STK3: variants seen among roughly 807,000 people sequenced by gnomAD.
The protein encoded by STK3 is serine/threonine kinase 3.
In STK3, 41 loss-of-function variants were observed where a neutral mutation model predicts 58.0. That is an observed-to-expected ratio of 0.71 (90% CI 0.55 to 0.92). The LOEUF is 0.92. Ranked by LOEUF, STK3 falls within the 40% of genes least tolerant of loss-of-function variation. The probability of loss-of-function intolerance (pLI) is 0.00; values close to 1 mark genes in which losing one functional copy is unlikely to be tolerated. For missense variants in STK3, 479 were observed against 602.7 expected (o/e 0.79, Z 2.15); for synonymous variants, 170 against 191.0 (o/e 0.89, Z 0.91).
At chr8:98,497,313 C>T (rs57563234) in intron 10 of STK3, among the ~76,000 whole-genome samples, 1,764 of 152,042 alleles carry the variant, frequency 0.012, 38 homozygotes, top group African/African-American at 0.041. Context: ...AGATCAAAGA[C>T]CTATATGTAA....
Position 98,707,140 on chromosome 8 carries a change from A to C in STK3, c.516+7T>G. 6.3e-7 allele frequency: 1 copy of C among 1,597,420 alleles called. No homozygotes were observed. Among genetic ancestry groups the C allele is most frequent in the Non-Finnish European group, 8.5e-7 (1 of 1,176,084 alleles). Reference sequence around the variant, plus strand: ...AAGTGTTTAGAAAACCATTAAAGTTAACTTACTGTTAACTGACCAGCCACT... The same window carrying C: ...AAGTGTTTAGAAAACCATTAAAGTTCACTTACTGTTAACTGACCAGCCACT... On this transcript the variant is annotated splice_region_variant and intron_variant, in intron 5 of 10. Transcript: ENST00000419617.
upstream of STK3, among the ~76,000 whole-genome samples, chr8:98,828,615 A>G (rs1448075022): frequency 6.6e-6 from 1 of 151,726 alleles, no homozygotes; most frequent in Non-Finnish European, 1.5e-5. Context: ...AGAGAGAGAG[A>G]GGGAGGGAGG....
intron 8 of STK3, among the ~76,000 whole-genome samples, chr8:98,577,081 A>G (rs912625520): frequency 6.6e-6 from 1 of 152,218 alleles, no homozygotes; most frequent in African/African-American, 2.4e-5. Context: ...TAAGTTTTCT[A>G]TCAGATTCCA....
At position 98,514,290 on chromosome 8, in the gene STK3, G is replaced by A. The variant is rs567545450; in HGVS notation, c.1317+12452C>T. Among the ~76,000 whole-genome samples the A allele has an allele frequency of 3.9e-5, 6 of 152,188 alleles. No individual in the cohort carries two copies. In the South Asian group the frequency reaches 1.2e-3, roughly 32 times the overall value. ...TTTACTAAATGAAAGTGACCAAAAA[G>A]TTGTAGCATTTGTCCAAAGGCATAG... On this transcript the variant is annotated intron_variant, in intron 10 of 10. Coordinates refer to ENST00000419617, the MANE Select transcript of STK3 (RefSeq NM_006281.4).
chr8:98,525,070 T>C (rs1456363346), intron 10 of STK3, among the ~76,000 whole-genome samples: 1 of 152,208 alleles, frequency 6.6e-6, no homozygotes, highest in Non-Finnish European at 1.5e-5. Flanking sequence ...CATTAAGATG[T>C]ATTCCATACT....
intron 1 of STK3, among the ~76,000 whole-genome samples, chr8:98,787,407 G>A (rs981502107): frequency 6.6e-6 from 1 of 151,722 alleles, no homozygotes; most frequent in Non-Finnish European, 1.5e-5. Flanking sequence ...AGAAAATATG[G>A]ACAAAGCCTC....
intron 4 of STK3, among the ~76,000 whole-genome samples, chr8:98,724,633 G>A (rs1323921399): frequency 1.3e-5 from 2 of 152,194 alleles, no homozygotes; most frequent in Non-Finnish European, 2.9e-5. Context: ...GAGGAAAACA[G>A]AAGTGGAGAA....
At chr8:98,804,512 A>G (rs536466425) in intron 1 of STK3, among the ~76,000 whole-genome samples, 86 of 152,308 alleles carry the variant, frequency 5.6e-4, no homozygotes, top group African/African-American at 2.0e-3. Context: ...ACCAAAGTGG[A>G]CTCTATCAGT....
At chr8:98,432,894 C>T (rs11783149) in intron 3 of STK3, 29,395 of 164,120 alleles carry the variant, frequency 0.18, 2,805 homozygotes, top group African/African-American at 0.24. Context: ...TGCCTCGATT[C>T]GGGAATGGGC....
At chr8:98,942,394 A>G (rs899847198) in exon 1 of STK3, 5 of 152,286 alleles carry the variant, frequency 3.3e-5, no homozygotes, top group African/African-American at 1.2e-4. Context: ...AAGAGACCGT[A>G]GTCGTGCCCA....
chr8:98,378,256 C>T (rs953672819), intron 2 of STK3, among the ~76,000 whole-genome samples: 12 of 152,226 alleles, frequency 7.9e-5, no homozygotes, highest in Admixed American at 2.0e-4. Context: ...AAGCATCCAC[C>T]TTTCTCTACA....
chr8:98,824,629 G>A (rs747417745), intron 1 of STK3, among the ~76,000 whole-genome samples: 4 of 152,112 alleles, frequency 2.6e-5, no homozygotes, highest in African/African-American at 9.7e-5. Context: ...CACCTGAACA[G>A]ATGGCTTCCA....
At chr8:98,533,962 T>C (rs887717191) in intron 9 of STK3, among the ~76,000 whole-genome samples, 2 of 152,328 alleles carry the variant, frequency 1.3e-5, no homozygotes, top group East Asian at 1.9e-4. Context: ...GGAGCCATGG[T>C]TTTTCATCAT....
intron 3 of STK3, among the ~76,000 whole-genome samples, chr8:98,856,601 T>C (rs1202218416): frequency 2.6e-5 from 4 of 152,208 alleles, no homozygotes; most frequent in African/African-American, 9.6e-5. Context: ...CACACACTAC[T>C]AGTGGGAATG....
chr8:98,697,876 G>C (rs1825130230), intron 6 of STK3, among the ~76,000 whole-genome samples: 1 of 152,142 alleles, frequency 6.6e-6, no homozygotes, highest in Non-Finnish European at 1.5e-5. Context: ...ATGTCTATTA[G>C]GTCTGCTTGG....
intron 6 of STK3, among the ~76,000 whole-genome samples, chr8:98,614,314 C>A (rs1296882995): frequency 6.6e-6 from 1 of 152,064 alleles, no homozygotes; most frequent in Non-Finnish European, 1.5e-5. Flanking sequence ...AAGAACTGAA[C>A]AGAGTAGAGT....
chr8:98,788,148 A>G (rs1284650959), intron 1 of STK3, among the ~76,000 whole-genome samples: 1 of 152,202 alleles, frequency 6.6e-6, no homozygotes, highest in Non-Finnish European at 1.5e-5. Flanking sequence ...TCCACTTAAA[A>G]GATACAGAAC....
intron 9 of STK3, among the ~76,000 whole-genome samples, chr8:98,531,480 C>T (rs959290059): frequency 6.6e-6 from 1 of 152,174 alleles, no homozygotes; most frequent in Non-Finnish European, 1.5e-5. Context: ...AATGTGCTGC[C>T]ATCCAGGCTT....
chr8:98,736,703 A>G (rs569258349), intron 4 of STK3, among the ~76,000 whole-genome samples: 1 of 152,298 alleles, frequency 6.6e-6, no homozygotes, highest in African/African-American at 2.4e-5. Flanking sequence ...CACAAAATAA[A>G]TATGTTACTT....
Sources: gnomAD v4.1 joint callset for allele counts (sites outside exome capture counted in the v4.1 genomes callset) on GRCh38, gnomAD v4.1.1 for gene constraint, MANE v1.5 for transcripts, NCBI Gene and HGNC (gene_info 2026-07-23, HGNC 2026-07-21) for gene names.